The following RNF220 variants were observed in gnomAD, a reference collection of about 807,000 sequenced individuals.
RNF220 encodes E3 ubiquitin-protein ligase RNF220.
In RNF220, 7 loss-of-function variants were observed where a neutral mutation model predicts 67.1. That is an observed-to-expected ratio of 0.10 (90% CI 0.06 to 0.20). RNF220 has a LOEUF of 0.20. Ranked by LOEUF, RNF220 falls within the 10% of genes least tolerant of loss-of-function variation. RNF220 has a pLI of 1.00. For missense variants in RNF220, 565 were observed against 740.3 expected, an observed-to-expected ratio of 0.76 and a Z score of 2.75; for synonymous variants, 270 against 283.2, an observed-to-expected ratio of 0.95 and a Z score of 0.47.
chr1:44,500,037 T>C (rs1657691654), intron 2 of RNF220, among the ~76,000 whole-genome samples: 1 of 152,148 alleles, frequency 6.6e-6, no homozygotes, highest in South Asian at 2.1e-4. Flanking sequence ...ACTACTACTA[T>C]CTCTCACCTA....
chr1:44,516,699 T>C (rs971170015), intron 2 of RNF220, among the ~76,000 whole-genome samples: 14 of 151,912 alleles, frequency 9.2e-5, no homozygotes, highest in Non-Finnish European at 1.2e-4. Context: ...GTCTATTATA[T>C]GCCATGTGGT....
chr1:44,501,748 T>C (rs1228496805), intron 2 of RNF220, among the ~76,000 whole-genome samples: 1 of 152,022 alleles, frequency 6.6e-6, no homozygotes, highest in African/African-American at 2.4e-5. Context: ...TTGTGACAAG[T>C]GCAGGCTTGG....
chr1:44,418,741 A>G (rs1475937758), intron 2 of RNF220, among the ~76,000 whole-genome samples: 1 of 152,140 alleles, frequency 6.6e-6, no homozygotes, highest in Admixed American at 6.5e-5. Flanking sequence ...ACTGAAAAAT[A>G]GAATTATATT....
At chr1:44,526,587 A>G (rs967240770) in intron 2 of RNF220, among the ~76,000 whole-genome samples, 3 of 151,948 alleles carry the variant, frequency 2.0e-5, no homozygotes, top group African/African-American at 7.3e-5. Context: ...ACCTGGGCCC[A>G]TCACTCCTCC....
chr1:44,523,797 C>A (rs1660131447), intron 2 of RNF220, among the ~76,000 whole-genome samples: 1 of 152,198 alleles, frequency 6.6e-6, no homozygotes, highest in Non-Finnish European at 1.5e-5. Flanking sequence ...TTTCTGCCCT[C>A]ACAATCCAGC....
Position 44,632,044 on chromosome 1 carries a change from ATCGCCGCCC to A in RNF220, c.907-292_907-284del, listed in dbSNP as rs1170747995. 6 of 1,085,414 alleles carry A rather than the reference ATCGCCGCCC, an allele frequency of 5.5e-6. No homozygotes were observed. In the South Asian group the frequency reaches 1.3e-4, roughly 24 times the overall value. The allele number at this position is 1,085,414 out of a possible 1,614,324, so 67.2% of individuals were successfully genotyped here. On this transcript the variant is annotated intron_variant, in intron 5 of 14. Coordinates refer to ENST00000361799, the MANE Select transcript of RNF220 (RefSeq NM_018150.4). ...GGGCAGCCACGGGGAATCCGCCCGC[ATCGCCGCCC>A]TCGCCGGCCGGGCGGCCGTGGGGCC...
At chr1:44,411,860 G>A in intron 1 of RNF220, 121 bp from the exon 2 acceptor site, 1 of 498,730 alleles carries the variant, frequency 2.0e-6, no homozygotes, top group South Asian at 3.0e-5. Context: ...AAAGCCTGTG[G>A]TGTCTCTTGC....
chr1:44,530,442 T>C (rs1660745727), intron 2 of RNF220, among the ~76,000 whole-genome samples: 1 of 151,690 alleles, frequency 6.6e-6, no homozygotes. Context: ...CGTCATTTAC[T>C]GAGGAAGTTT....
chr1:44,649,651 C>T lies in RNF220; in HGVS notation c.1446-10C>T. The T allele has an allele frequency of 6.2e-7, 1 of 1,613,716 alleles. No individual in the cohort carries two copies. The highest frequency in any genetic ancestry group is 8.5e-7 in the Non-Finnish European group (1 of 1,179,706). On this transcript the variant is annotated splice_polypyrimidine_tract_variant and intron_variant, in intron 12 of 14. Transcript: ENST00000361799. The surrounding 1 kb of genome is among the most constrained non-coding windows in gnomAD (Gnocchi z 5.9). ...CAGCCTGCTACCCAACCATGCCTTC[C>T]TTTTTACAGAATCACCGAAGATTCA... is the stretch of plus-strand genomic sequence containing the variant.
intron 2 of RNF220, among the ~76,000 whole-genome samples, chr1:44,550,038 A>G (rs1339933660): frequency 6.6e-6 from 1 of 152,180 alleles, no homozygotes; most frequent in Non-Finnish European, 1.5e-5. Flanking sequence ...AGCCAAGCGG[A>G]GTTGGGAGTT....
At chr1:44,637,340 C>A (rs1573154174) in intron 8 of RNF220, among the ~76,000 whole-genome samples, 1 of 152,244 alleles carries the variant, frequency 6.6e-6, no homozygotes, top group Non-Finnish European at 1.5e-5. Context: ...AACAGTCTCC[C>A]TGAGCCGGAG....
intron 1 of RNF220, among the ~76,000 whole-genome samples, chr1:44,406,970 C>T (rs1329807704): frequency 6.6e-6 from 1 of 152,204 alleles, no homozygotes; most frequent in Non-Finnish European, 1.5e-5. Context: ...AGCCAGGAGG[C>T]AGGGGGAAAG....
At chr1:44,571,665 C>T (rs1664453895) in intron 2 of RNF220, among the ~76,000 whole-genome samples, 1 of 152,192 alleles carries the variant, frequency 6.6e-6, no homozygotes, top group African/African-American at 2.4e-5. Context: ...AATGCTACAC[C>T]ATATGCCAGC....
intron 2 of RNF220, among the ~76,000 whole-genome samples, chr1:44,552,309 C>G (rs1215784223): frequency 6.6e-6 from 1 of 152,090 alleles, no homozygotes; most frequent in East Asian, 1.9e-4. Flanking sequence ...AGTTCAAGAC[C>G]AGCCTGGGCA....
chr1:44,496,579 G>T (rs1244649979), intron 2 of RNF220, among the ~76,000 whole-genome samples: 1 of 152,178 alleles, frequency 6.6e-6, no homozygotes, highest in Non-Finnish European at 1.5e-5. Context: ...AAAGCCACAT[G>T]CCCCGGCGTA....
intron 2 of RNF220, among the ~76,000 whole-genome samples, chr1:44,474,382 AATAAT>A (rs1655101729): frequency 7.1e-4 from 4 of 5,600 alleles, no homozygotes; most frequent in Middle Eastern, 0.14. Flanking sequence ...CTCCAAAAAT[AATAAT>A]AATAATAATA....
chr1:44,578,377 G>A (rs6700736), intron 2 of RNF220, among the ~76,000 whole-genome samples: 3,562 of 151,990 alleles, frequency 0.023, 132 homozygotes, highest in African/African-American at 0.081. Context: ...CTTGAACTCT[G>A]GCCTCAAGTG....
chr1:44,436,214 G>A (rs1327599384), intron 2 of RNF220, among the ~76,000 whole-genome samples: 3 of 152,086 alleles, frequency 2.0e-5, no homozygotes, highest in African/African-American at 4.8e-5. Context: ...GTTTGGCTCT[G>A]TAAATCATTT....
chr1:44,631,994 T>A, intron 5 of RNF220: 1 of 1,009,902 alleles, frequency 9.9e-7, no homozygotes, highest in Non-Finnish European at 1.2e-6. Context: ...CCGCCGCCGC[T>A]TGGAGCTGAA....
Sources: gnomAD v4.1 joint callset for allele counts (sites outside exome capture counted in the v4.1 genomes callset) on GRCh38, gnomAD v4.1.1 for gene constraint, Gnocchi (gnomAD v3.1) non-coding constraint, MANE v1.5 for transcripts, NCBI Gene and HGNC (gene_info 2026-07-23, HGNC 2026-07-21) for gene names.